The following MIOX variants were observed in gnomAD, a reference collection of about 807,000 sequenced individuals.
The protein encoded by MIOX is myo-inositol oxygenase, also known as inositol oxygenase.
Under a neutral mutation model 42.7 loss-of-function variants are expected in MIOX, and 51 were observed. The observed-to-expected ratio is 1.19, with a 90% CI of 0.95 to 1.51. The LOEUF is 1.51. Ranked by LOEUF, MIOX falls within the 40% of genes most tolerant of loss-of-function variation. The probability of loss-of-function intolerance (pLI) is 0.00; values close to 1 mark genes in which losing one functional copy is unlikely to be tolerated. For missense variants in MIOX, 395 were observed against 381.3 expected (o/e 1.04, Z -0.30); for synonymous variants, 168 against 154.4 (o/e 1.09, Z -0.65).
At chr22:50,487,282 C>T (rs916348487) in intron 1 of MIOX, 103 bp from the exon 2 acceptor site, 5 of 984,178 alleles carry the variant, frequency 5.1e-6, no homozygotes, top group South Asian at 4.5e-5. Context: ...CACCAGCCCT[C>T]GAGCAGAGGC....
At chr22:50,487,045 A>C (rs1603437370) in intron 1 of MIOX, 133 bp downstream of exon 1, 1 of 1,185,110 alleles carries the variant, frequency 8.4e-7, no homozygotes, top group Non-Finnish European at 1.2e-6. Flanking sequence ...GCGGCTGCCG[A>C]CCCCCAGGCT....
At chr22:50,488,964 T>TCCCATCCC (rs2068319463) in intron 5 of MIOX, 76 bp from the exon 6 acceptor site, 1 of 800,948 alleles carries the variant, frequency 1.2e-6, no homozygotes, top group Non-Finnish European at 1.8e-6. Context: ...CCTCCTGTCC[T>TCCCATCCC]TCTGCAGTGG....
chr22:50,487,589 C>T, intron 2 of MIOX, 73 bp from the exon 3 acceptor site: 1 of 1,553,864 alleles, frequency 6.4e-7, no homozygotes, highest in South Asian at 1.2e-5. Flanking sequence ...CCCTGTGGGG[C>T]TGCCTGGGAG....
At chr22:50,488,474 CCTGT>C (rs1383175516) in intron 5 of MIOX, 132 bp downstream of exon 5, 1 of 693,332 alleles carries the variant, frequency 1.4e-6, no homozygotes, top group Non-Finnish European at 2.3e-6. Flanking sequence ...CCGACGGCTG[CCTGT>C]CCCTCTGGTG....
chr22:50,489,759 T>G lies in MIOX; in HGVS notation c.761T>G (p.Leu254Arg). The part of the protein sequence containing the change: ...PWVREFNKFD[L>R]YTKCPDLPDV... ...CCTCCCTGCTGCAGCAAGTTCGACCTCTACACCAAGTGCCCGGACCTGCCG... is the reference window on the plus strand; with the variant it reads ...CCTCCCTGCTGCAGCAAGTTCGACCGCTACACCAAGTGCCCGGACCTGCCG... The change falls in exon 10 of 10, where the codon CTC becomes CGC. Residue 254 changes from leucine to arginine, a missense_variant. Leu to Arg is a moderately radical substitution (Grantham distance 102, BLOSUM62 -2). Transcript: ENST00000216075. The G allele has an allele frequency of 6.2e-7, 1 of 1,612,176 alleles. No individual in the cohort carries two copies. Among genetic ancestry groups the G allele is most frequent in the Non-Finnish European group, 8.5e-7 (1 of 1,179,918 alleles).
rs536900621 is a variant in MIOX, at chr22:50,488,159, C to T, written c.340+111C>T. On this transcript the variant is annotated intron_variant, in intron 4 of 9. Transcript: ENST00000216075. Reference sequence around the variant, plus strand: ...TGGGCCCAGGCCTCCTCCAGCAGCCCTGCCTGGGTTGGGGAGCAGGCCCTG... The same window carrying T: ...TGGGCCCAGGCCTCCTCCAGCAGCCTTGCCTGGGTTGGGGAGCAGGCCCTG... 6.9e-6 allele frequency: 11 copies of T among 1,583,748 alleles called. No individual in the cohort carries two copies. The South Asian group carries it at 1.0e-4, about 15-fold the overall frequency.
Position 50,487,956 on chromosome 22 carries a change from T to G in MIOX, c.248T>G (p.Leu83Arg). Residue 83 changes from leucine to arginine, a missense_variant, in exon 4 of 10, where the codon CTG (leucine) becomes CGG (arginine). Physicochemically the swap from Leu to Arg is moderately radical, Grantham distance 102. Coordinates refer to ENST00000216075, the MANE Select transcript of MIOX (RefSeq NM_017584.6). ...GAGGCCGTGGACCTGCTGGATGGGC[T>G]GGTGGATGAGTCGGACCCGGACGTA... The part of the protein sequence containing the change: ...VMEAVDLLDG[L>R]VDESDPDVDF... 6.2e-7 allele frequency: 1 copy of G among 1,614,014 alleles called. No homozygotes were observed. Among genetic ancestry groups the G allele is most frequent in the Non-Finnish European group, 8.5e-7 (1 of 1,179,940 alleles).
At position 50,487,691 on chromosome 22, in the gene MIOX, C is replaced by T. The variant is rs749895311; in HGVS notation, c.126C>T (p.Thr42=). The T allele has an allele frequency of 1.2e-6, 2 of 1,613,834 alleles. No individual in the cohort carries two copies. Among genetic ancestry groups the T allele is most frequent in the South Asian group, 2.2e-5 (2 of 91,082 alleles). ...GTCCCCTCCTGGACCGTGTCTTCAC[C>T]ACCTACAAGCTCATGCACACGCACC... The part of the protein sequence containing the change: ...TSGPLLDRVF[T]TYKLMHTHQT... Residue 42 remains threonine (T), a synonymous_variant, in exon 3 of 10, where the codon ACC becomes ACT. Coordinates refer to ENST00000216075, the MANE Select transcript of MIOX (RefSeq NM_017584.6).
In MIOX at chr22:50,489,770, T is replaced by G. The variant is rs1399553264; in HGVS notation, c.772T>G (p.Cys258Gly). ...CAGCAAGTTCGACCTCTACACCAAG[T>G]GCCCGGACCTGCCGGACGTGGACAA... is the stretch of plus-strand genomic sequence containing the variant. Reference protein sequence around the residue: ...EFNKFDLYTKCPDLPDVDKLR... With the variant: ...EFNKFDLYTKGPDLPDVDKLR... The change falls in exon 10 of 10, where the codon TGC becomes GGC. Residue 258 changes from cysteine (C) to glycine (G), a missense_variant. Coordinates refer to ENST00000216075, the MANE Select transcript of MIOX (RefSeq NM_017584.6). 6.2e-6 allele frequency: 10 copies of G among 1,612,202 alleles called. No homozygotes were observed. Among genetic ancestry groups the G allele is most frequent in the Non-Finnish European group, 8.5e-6 (10 of 1,179,922 alleles).
At chr22:50,486,994 A>T in intron 1 of MIOX, 82 bp downstream of exon 1, 2 of 1,550,122 alleles carry the variant, frequency 1.3e-6, no homozygotes, top group East Asian at 2.3e-5. Flanking sequence ...TCTAGCTGGC[A>T]CTGGCCAGCC....
rs1459372810 is a variant in MIOX at position 50,488,225 on chromosome 22, C to G, written c.341-50C>G. On this transcript the variant is annotated intron_variant, in intron 4 of 9. Coordinates refer to ENST00000216075, the MANE Select transcript of MIOX (RefSeq NM_017584.6). ...TCAGCCCCGCAAACCTGCTCATCCTCTGCCTTGGCCCCTGCAGTCCCCAAC... is the reference window on the plus strand; with the variant it reads ...TCAGCCCCGCAAACCTGCTCATCCTGTGCCTTGGCCCCTGCAGTCCCCAAC... 3 of 1,611,656 alleles carry G rather than the reference C, an allele frequency of 1.9e-6. No homozygotes were observed. In the South Asian group the frequency reaches 3.3e-5, roughly 18 times the overall value.
In MIOX at chr22:50,488,292, G is replaced by C; in HGVS notation, c.358G>C (p.Gly120Arg). The change falls in exon 5 of 10, where the codon GGG (glycine) becomes CGG (arginine). Residue 120 changes from glycine (G) to arginine (R), a missense_variant. Physicochemically the swap from Gly to Arg is moderately radical, Grantham distance 125. Transcript: ENST00000216075. ...HPDKDWFHLV[G>R]LLHDLGKVLA... ...CCTCCCAGACTGGTTCCACCTCGTC[G>C]GGCTCCTGCACGACCTGGGGAAGGT... is the stretch of plus-strand genomic sequence containing the variant. 1 of 1,613,106 alleles carries C rather than the reference G, an allele frequency of 6.2e-7. No individual in the cohort carries two copies. Among genetic ancestry groups the C allele is most frequent in the South Asian group, 1.1e-5 (1 of 90,926 alleles).
rs763217308 is a variant in MIOX, at chr22:50,489,518, G to A, written c.637-14G>A. The stretch of plus-strand genomic sequence containing the variant: ...TGCAGCCCCAAGTGAGCCGCTGGGT[G>A]GCCTTGCCCGCAGGCTTTCTACATG... On this transcript the variant is annotated splice_polypyrimidine_tract_variant and intron_variant, in intron 8 of 9. Coordinates refer to ENST00000216075, the MANE Select transcript of MIOX (RefSeq NM_017584.6). The A allele has an allele frequency of 5.6e-6, 9 of 1,612,392 alleles. No homozygotes were observed. The highest frequency in any genetic ancestry group is 7.6e-6 in the Non-Finnish European group (9 of 1,179,728).
chr22:50,489,580 C>T lies in MIOX; in HGVS notation c.685C>T (p.Arg229Cys), dbSNP rs140627421. Residue 229 changes from arginine (R) to cysteine (C), a missense_variant, in exon 9 of 10, where the codon CGC (arginine) becomes TGC (cysteine). By Grantham distance (180) the Arg-to-Cys change is radical. Coordinates refer to ENST00000216075, the MANE Select transcript of MIOX (RefSeq NM_017584.6). ...CTCCTTCTACCCCTGGCACACGGGCCGCGACTACCAGCAGCTGTGCAGCCA... is the reference window on the plus strand; with the variant it reads ...CTCCTTCTACCCCTGGCACACGGGCTGCGACTACCAGCAGCTGTGCAGCCA... ...FHSFYPWHTG[R>C]DYQQLCSQQD... 1,877 of 1,612,572 alleles carry T rather than the reference C, an allele frequency of 1.2e-3. 4 individuals carry two copies. The highest frequency in any genetic ancestry group is 1.4e-3 in the Non-Finnish European group (1,658 of 1,179,850).
Position 50,488,024 on chromosome 22 carries a change from A to T in MIOX, c.316A>T (p.Ile106Phe), listed in dbSNP as rs1175855140. The part of the protein sequence containing the change: ...SFHAFQTAEG[I>F]RKAHPDKDWF... Reference sequence around the variant, plus strand: ...CCATGCCTTCCAGACAGCGGAGGGCATCCGGAAGGCCCACCCAGACAAGGG... The same window carrying T: ...CCATGCCTTCCAGACAGCGGAGGGCTTCCGGAAGGCCCACCCAGACAAGGG... Residue 106 changes from isoleucine (I) to phenylalanine (F), a missense_variant, in exon 4 of 10, where the codon ATC (isoleucine) becomes TTC (phenylalanine). Coordinates refer to ENST00000216075, the MANE Select transcript of MIOX (RefSeq NM_017584.6). The T allele has an allele frequency of 6.2e-7, 1 of 1,613,752 alleles. No individual in the cohort carries two copies.
Position 50,489,452 on chromosome 22 carries a change from T to TG in MIOX, c.636+12dup. On this transcript the variant is annotated splice_region_variant and intron_variant, in intron 8 of 9. Transcript: ENST00000216075. ...AGTTCTCACTGCCCCCTGAGGTAGG[T>TG]GGGGGGAGGGGCAACGCAGCCCGTC... 6.2e-7 allele frequency: 1 copy of TG among 1,606,714 alleles called. No individual in the cohort carries two copies. Among genetic ancestry groups the TG allele is most frequent in the Non-Finnish European group, 8.5e-7 (1 of 1,176,948 alleles).
At position 50,487,416 on chromosome 22, in the gene MIOX, A is replaced by C. The variant is rs1301967020; in HGVS notation, c.47A>C (p.Asp16Ala). 1.2e-6 allele frequency: 2 copies of C among 1,613,774 alleles called. No homozygotes were observed. The highest frequency in any genetic ancestry group is 1.7e-6 in the Non-Finnish European group (2 of 1,179,924). ...GPDPSLVYRP[D>A]VDPEVAKDKA... The stretch of plus-strand genomic sequence containing the variant: ...GACCCTTCCCTGGTCTACCGACCTG[A>C]TGTGGACCCAGAGGTGGCCAAAGAC... Residue 16 changes from aspartate (D) to alanine (A), a missense_variant, in exon 2 of 10, where the codon GAT (aspartate) becomes GCT (alanine). Transcript: ENST00000216075.
At chr22:50,488,456 A>C in intron 5 of MIOX, 114 bp downstream of exon 5, 2 of 830,704 alleles carry the variant, frequency 2.4e-6, no homozygotes, top group Non-Finnish European at 3.7e-6. Flanking sequence ...TGCACCCCCC[A>C]CGGCCCCCCG....
Position 50,489,982 on chromosome 22 carries a change from G to C in MIOX, c.*126G>C, listed in dbSNP as rs140205443. 4.2e-5 allele frequency: 34 copies of C among 815,110 alleles called. No homozygotes were observed. The African/African-American group carries it at 5.1e-4, about 12-fold the overall frequency. 50.5% of individuals were successfully genotyped at this position (815,110 alleles called of 1,614,324 possible). A position where few individuals can be genotyped will look rare whatever the true frequency, so the allele number is the denominator to read the frequency against. ...GTGGGGGACCCCACTCACCCCCTTA[G>C]GGTCGCCACCCCTCACGGCAACTTG... On this transcript the variant is annotated 3_prime_UTR_variant, in exon 10 of 10. Transcript: ENST00000216075.
Sources: gnomAD v4.1 joint callset for allele counts on GRCh38, gnomAD v4.1.1 for gene constraint, MANE v1.5 for transcripts, NCBI Gene and HGNC (gene_info 2026-07-23, HGNC 2026-07-21) for gene names.